The following CPB1 variants were observed in gnomAD, a reference collection of about 807,000 sequenced individuals.
CPB1 encodes the protein carboxypeptidase B.
In CPB1, 53 loss-of-function variants were observed where a neutral mutation model predicts 51.4. That is an observed-to-expected ratio of 1.03 (90% CI 0.83 to 1.30). The LOEUF (loss-of-function observed/expected upper bound fraction) is 1.30. Among genes scored for constraint, CPB1 ranks in the 50% most tolerant of loss-of-function variants. The probability of loss-of-function intolerance (pLI) is 0.00; values close to 1 mark genes in which losing one functional copy is unlikely to be tolerated. For synonymous variants in CPB1, 189 were observed against 186.9 expected, an observed-to-expected ratio of 1.01 and a Z score of -0.09; for missense variants, 494 against 516.2, an observed-to-expected ratio of 0.96 and a Z score of 0.42.
chr3:148,841,054 C>G (rs1713060966), intron 5 of CPB1, 79 bp downstream of exon 5: 1 of 1,162,144 alleles, frequency 8.6e-7, no homozygotes, highest in Non-Finnish European at 1.3e-6. Flanking sequence ...ATCTGTTTCA[C>G]AGACACGCTT....
intron 2 of CPB1, 71 bp downstream of exon 2, chr3:148,828,148 A>G (rs1384541308): frequency 5.2e-6 from 6 of 1,151,774 alleles, no homozygotes; most frequent in East Asian, 2.6e-5. Context: ...CCGACAATGG[A>G]AAAAAAAACA....
In CPB1 at chr3:148,845,545, T is replaced by C. The variant is rs1047636855; in HGVS notation, c.900T>C (p.Tyr300=). 2.5e-6 allele frequency: 4 copies of C among 1,613,860 alleles called. No individual in the cohort carries two copies. In the African/African-American group the frequency reaches 4.0e-5, roughly 16 times the overall value. ...ACAAACTCTCTTCCATCAAGGCATA[T>C]CTGACAATCCACTCGTACTCCCAAA... ...IRNKLSSIKA[Y]LTIHSYSQMM... Residue 300 remains tyrosine, a synonymous_variant, in exon 9 of 11, where the codon TAT becomes TAC. Coordinates refer to ENST00000282957, the MANE Select transcript of CPB1 (RefSeq NM_001871.3).
At chr3:148,847,119 T>G (rs1713281337) in intron 9 of CPB1, among the ~76,000 whole-genome samples, 1 of 150,764 alleles carries the variant, frequency 6.6e-6, no homozygotes, top group Non-Finnish European at 1.5e-5. Flanking sequence ...ACATTAAGGG[T>G]AGCAATAACA....
chr3:148,840,941 C>T lies in CPB1; in HGVS notation c.440C>T (p.Thr147Ile). 1.9e-6 allele frequency: 3 copies of T among 1,614,086 alleles called. No homozygotes were observed. Among genetic ancestry groups the T allele is most frequent in the Non-Finnish European group, 2.5e-6 (3 of 1,179,966 alleles). Reference protein sequence around the residue: ...PALISRSVIGTTFEGRAIYLL... With the variant: ...PALISRSVIGITFEGRAIYLL... ...CTCATCTCTCGCAGTGTTATCGGAA[C>T]CACATTTGAGGGACGCGCTATTTAC... The change falls in exon 5 of 11, where the codon ACC becomes ATC. Residue 147 changes from threonine (T) to isoleucine (I), a missense_variant. Physicochemically the swap from Thr to Ile is moderately conservative, Grantham distance 89. Coordinates refer to ENST00000282957, the MANE Select transcript of CPB1 (RefSeq NM_001871.3).
At chr3:148,841,498 T>G (rs571341892) in intron 5 of CPB1, among the ~76,000 whole-genome samples, 2 of 152,328 alleles carry the variant, frequency 1.3e-5, no homozygotes, top group South Asian at 4.1e-4. Flanking sequence ...TCCAGTTGTC[T>G]TGGTCATGTC....
rs574100523 is a variant in CPB1 at position 148,834,525 on chromosome 3, A to G, written c.175A>G (p.Thr59Ala). The G allele has an allele frequency of 1.2e-6, 2 of 1,613,724 alleles. No homozygotes were observed. The highest frequency in any genetic ancestry group is 1.7e-6 in the Non-Finnish European group (2 of 1,179,630). ...TGACTTCTGGAAGCCAGATTCTGTC[A>G]CACAAATCAAACCTCACAGTACAGT... ...QIDFWKPDSVTQIKPHSTVDF... is the reference protein window; with the variant it reads ...QIDFWKPDSVAQIKPHSTVDF... The change falls in exon 3 of 11, where the codon ACA becomes GCA. Residue 59 changes from threonine (T) to alanine (A), a missense_variant. By Grantham distance (58) the Thr-to-Ala change is moderately conservative (BLOSUM62 0). Coordinates refer to ENST00000282957, the MANE Select transcript of CPB1 (RefSeq NM_001871.3).
intron 3 of CPB1, among the ~76,000 whole-genome samples, 164 bp downstream of exon 3, chr3:148,834,786 C>T (rs1712847719): frequency 6.6e-6 from 1 of 152,162 alleles, no homozygotes; most frequent in Admixed American, 6.5e-5. Context: ...AGTCTTAAGA[C>T]TTCAGTTCTG....
intron 9 of CPB1, among the ~76,000 whole-genome samples, chr3:148,847,372 T>TAAAAAAAA (rs3043983): frequency 6.9e-5 from 6 of 86,706 alleles, no homozygotes; most frequent in South Asian, 4.6e-4. Context: ...AAATCATTCT[T>TAAAAAAAA]AAAAAAAAAA....
Position 148,859,912 on chromosome 3 carries a change from C to G in CPB1, c.1164C>G (p.Leu388=). ...ELRDTGRYGF[L]LPESQIRATC... is the part of the protein sequence containing the mutation. ...GAGATACAGGCAGATATGGCTTTCT[C>G]CTTCCAGAATCCCAGATCCGGGCTA... The change falls in exon 11 of 11, where the codon CTC becomes CTG. Residue 388 remains leucine (L), a synonymous_variant. Transcript: ENST00000282957. 6.2e-7 allele frequency: 1 copy of G among 1,614,164 alleles called. No individual in the cohort carries two copies. The highest frequency in any genetic ancestry group is 8.5e-7 in the Non-Finnish European group (1 of 1,180,022).
In CPB1 at chr3:148,827,907, T is replaced by C. The variant is rs770895548; in HGVS notation, c.71+13T>C. The C allele has an allele frequency of 3.1e-6, 5 of 1,613,940 alleles. No homozygotes were observed. The Admixed American group carries it at 8.3e-5, about 27-fold the overall frequency. On this transcript the variant is annotated intron_variant, in intron 1 of 10. Transcript: ENST00000282957. ...AGCACTTTGAAGGGTAAGTAAGCCA[T>C]CTTTAAGGAGCAAGTCCTTCTTCCT...
chr3:148,860,011 G>A lies in CPB1; in HGVS notation c.*9G>A. 1.9e-6 allele frequency: 3 copies of A among 1,592,140 alleles called. No homozygotes were observed. Among genetic ancestry groups the A allele is most frequent in the Non-Finnish European group, 2.6e-6 (3 of 1,168,612 alleles). On this transcript the variant is annotated 3_prime_UTR_variant, in exon 11 of 11. Transcript: ENST00000282957. ...TGGAACACCTGTACTAGTTGAGAAA[G>A]CTGATGGCCTTGTTTCAAAATTCTC...
chr3:148,850,436 G>T (rs1576573018), intron 9 of CPB1, among the ~76,000 whole-genome samples: 1 of 152,032 alleles, frequency 6.6e-6, no homozygotes, highest in Non-Finnish European at 1.5e-5. Flanking sequence ...CGAGTAGCTG[G>T]GACTACAGGC....
chr3:148,847,509 C>T (rs1166618644), intron 9 of CPB1, among the ~76,000 whole-genome samples: 1 of 151,638 alleles, frequency 6.6e-6, no homozygotes, highest in Non-Finnish European at 1.5e-5. Context: ...TGGGCCAATT[C>T]ACATGTGTGC....
intron 10 of CPB1, 94 bp from the exon 11 acceptor site, chr3:148,859,721 A>G (rs1436609926): frequency 4.7e-6 from 6 of 1,271,450 alleles, no homozygotes; most frequent in Admixed American, 2.5e-5. Context: ...TATTTTGCAC[A>G]GTGAAACATT....
chr3:148,857,611 T>G, intron 10 of CPB1, 70 bp downstream of exon 10: 2 of 1,157,964 alleles, frequency 1.7e-6, no homozygotes, highest in South Asian at 2.8e-5. Context: ...TCCTGGGGCC[T>G]TTCTTTTCTG....
At chr3:148,833,740 TAAA>T (rs72471320) in intron 2 of CPB1, among the ~76,000 whole-genome samples, 5 of 145,294 alleles carry the variant, frequency 3.4e-5, no homozygotes, top group African/African-American at 9.9e-5. Context: ...ATCCACAGAT[TAAA>T]AAAAAAAAAA....
rs1433844853 is a variant in CPB1, at chr3:148,845,538, A to G, written c.893A>G (p.Lys298Arg). 6.2e-6 allele frequency: 10 copies of G among 1,614,012 alleles called. 1 individual carries two copies. Among genetic ancestry groups the G allele is most frequent in the Middle Eastern group, 3.3e-4 (2 of 6,062 alleles). ...DFIRNKLSSI[K>R]AYLTIHSYSQ... ...ATCCGCAACAAACTCTCTTCCATCA[A>G]GGCATATCTGACAATCCACTCGTAC... Residue 298 changes from lysine to arginine, a missense_variant, in exon 9 of 11, where the codon AAG (lysine) becomes AGG (arginine). By Grantham distance (26) the Lys-to-Arg change is conservative (BLOSUM62 2). Coordinates refer to ENST00000282957, the MANE Select transcript of CPB1 (RefSeq NM_001871.3).
rs1197801632 is a variant in CPB1, at chr3:148,857,542, G to A, written c.1066+1G>A. The A allele has an allele frequency of 1.2e-6, 2 of 1,612,088 alleles. No homozygotes were observed. Among genetic ancestry groups the A allele is most frequent in the Non-Finnish European group, 1.7e-6 (2 of 1,178,220 alleles). On this transcript the variant is annotated splice_donor_variant, in intron 10 of 10. Coordinates refer to ENST00000282957, the MANE Select transcript of CPB1 (RefSeq NM_001871.3). LOFTEE classifies it high-confidence loss of function. ...TATGGCCCGGGAGCTACAACAATCT[G>A]TGAGTCTTGGCTTCAGAACTGTGCA... is the stretch of plus-strand genomic sequence containing the variant.
At chr3:148,838,817 A>C (rs1576568803) in intron 3 of CPB1, among the ~76,000 whole-genome samples, 1 of 152,198 alleles carries the variant, frequency 6.6e-6, no homozygotes, top group Non-Finnish European at 1.5e-5. Context: ...TTCTAAAGCC[A>C]ATTTATGAGT....
Sources: allele counts gnomAD v4.1 joint callset (sites outside exome capture counted in the v4.1 genomes callset), GRCh38; gene constraint gnomAD v4.1.1; transcripts MANE v1.5; gene names NCBI Gene and HGNC (gene_info 2026-07-23, HGNC 2026-07-21).